Variants in GKAP1 observed in about 807,000 individuals in gnomAD.
The protein encoded by GKAP1 is G kinase anchoring protein 1.
Under a neutral mutation model 56.7 loss-of-function variants are expected in GKAP1, and 31 were observed. That is an observed-to-expected ratio of 0.55 (90% confidence interval 0.41 to 0.74). The LOEUF is 0.74. Among genes scored for constraint, GKAP1 ranks in the 30% least tolerant of loss-of-function variants. The pLI is 0.00. For synonymous variants in GKAP1, 151 were observed against 138.6 expected, an observed-to-expected ratio of 1.09 and a Z score of -0.63; for missense variants, 364 against 402.3, an observed-to-expected ratio of 0.90 and a Z score of 0.82.
At position 83,769,377 on chromosome 9, in the gene GKAP1, C is replaced by T. The variant is rs1298016175; in HGVS notation, c.586-407G>A. ...CCAAAAAGAAACTGTACCCATTAGCCGTCACTCCCCATTTCCTCCTAATAC... is the reference window on the plus strand; with the variant it reads ...CCAAAAAGAAACTGTACCCATTAGCTGTCACTCCCCATTTCCTCCTAATAC... On this transcript the variant is annotated intron_variant, in intron 7 of 12. Transcript: ENST00000376371. 2.6e-5 allele frequency among the ~76,000 whole-genome samples: 4 copies of T among 152,156 alleles called. 1 individual carries two copies. The South Asian group carries it at 8.3e-4, about 32-fold the overall frequency.
At chr9:83,772,418 T>C (rs1434974412) in intron 7 of GKAP1, among the ~76,000 whole-genome samples, 1 of 152,140 alleles carries the variant, frequency 6.6e-6, no homozygotes, top group Non-Finnish European at 1.5e-5. Context: ...ACTCAAAATA[T>C]GGATCACAGA....
chr9:83,811,297 C>G (rs1262536389), intron 2 of GKAP1, among the ~76,000 whole-genome samples: 1 of 152,120 alleles, frequency 6.6e-6, no homozygotes, highest in African/African-American at 2.4e-5. Flanking sequence ...AGTTTTTAGG[C>G]ATTGAGTAGT....
rs1944643044 is a variant in GKAP1, at chr9:83,817,593, G to T, written c.-252C>A. ...CCGCCTCTCCCGCGGCTCCCCGGGC[G>T]GCCGCACTGGGCGTTGGGACTGGTC... On this transcript the variant is annotated 5_prime_UTR_variant, in exon 1 of 13. Transcript: ENST00000376371. The T allele has an allele frequency of 6.6e-6, 1 of 151,706 alleles. No individual in the cohort carries two copies. Among genetic ancestry groups the T allele is most frequent in the Non-Finnish European group, 1.5e-5 (1 of 68,048 alleles). The allele number at this position is 151,706 out of a possible 1,614,324, so 9.4% of individuals were successfully genotyped here.
rs373789926 is a variant in GKAP1, at chr9:83,810,273, T to C, written c.-43-3713A>G. 3.9e-5 allele frequency among the ~76,000 whole-genome samples: 6 copies of C among 152,354 alleles called. No individual in the cohort carries two copies. The South Asian group carries it at 6.2e-4, about 16-fold the overall frequency. ...CTCATACAAATGAAATTTTAATGGG[T>C]ACTCAATTCTAAGAAATCATTATTT... On this transcript the variant is annotated intron_variant, in intron 2 of 12. Transcript: ENST00000376371.
At position 83,748,380 on chromosome 9, in the gene GKAP1, T is replaced by A. The variant is rs2131232931; in HGVS notation, c.841-8A>T. 1.3e-6 allele frequency: 2 copies of A among 1,493,516 alleles called. No individual in the cohort carries two copies. Among genetic ancestry groups the A allele is most frequent in the Admixed American group, 2.0e-5 (1 of 50,326 alleles). 92.5% of individuals were successfully genotyped at this position (1,493,516 alleles called of 1,614,324 possible). A position where few individuals can be genotyped will look rare whatever the true frequency, so the allele number is the denominator to read the frequency against. On this transcript the variant is annotated splice_region_variant and splice_polypyrimidine_tract_variant and intron_variant, in intron 9 of 12. Transcript: ENST00000376371. ...TACTTCCTTATACTTTGCCTAATAG[T>A]CAAAGAAAAAAGATTTAGTTTTTTT...
intron 8 of GKAP1, among the ~76,000 whole-genome samples, chr9:83,758,826 T>C (rs1409364181): frequency 2.0e-5 from 3 of 151,942 alleles, no homozygotes; most frequent in Non-Finnish European, 4.4e-5. Flanking sequence ...TATTAATGTA[T>C]GCACAGTTAA....
At chr9:83,789,750 T>G (rs1331417173) in intron 4 of GKAP1, among the ~76,000 whole-genome samples, 4 of 135,618 alleles carry the variant, frequency 2.9e-5, no homozygotes, top group African/African-American at 7.9e-5. Flanking sequence ...AGGAATTAAA[T>G]TTTGAGAACA....
chr9:83,798,097 T>C (rs976647652), intron 4 of GKAP1, among the ~76,000 whole-genome samples: 2 of 152,118 alleles, frequency 1.3e-5, no homozygotes, highest in African/African-American at 4.8e-5. Context: ...CACTGCAAAA[T>C]CCTAAAGAAA....
intron 1 of GKAP1, 21 bp downstream of exon 1, chr9:83,817,496 G>A (rs1398177768): frequency 6.6e-6 from 1 of 151,364 alleles, no homozygotes; most frequent in African/African-American, 2.4e-5. Context: ...CCGCGAGGCG[G>A]GCCCGCCTCC....
Position 83,798,763 on chromosome 9 carries a change from G to A in GKAP1, c.360+422C>T, listed in dbSNP as rs139107496. ...ACTCCTAGGCTCAAGCCATCCACCC[G>A]CCTCAGACTCCCAAATTGCTGGGAT... On this transcript the variant is annotated intron_variant, in intron 4 of 12. Transcript: ENST00000376371. Among the ~76,000 whole-genome samples the A allele has an allele frequency of 1.6e-4, 25 of 152,076 alleles. No homozygotes were observed. The East Asian group carries it at 2.7e-3, about 16-fold the overall frequency.
At chr9:83,741,607 T>C (rs1361950644) in intron 12 of GKAP1, among the ~76,000 whole-genome samples, 2 of 152,096 alleles carry the variant, frequency 1.3e-5, no homozygotes, top group East Asian at 1.9e-4. Flanking sequence ...AAAATATATA[T>C]TTACAATGGA....
chr9:83,746,051 A>C (rs1182841102), intron 10 of GKAP1, among the ~76,000 whole-genome samples: 1 of 152,058 alleles, frequency 6.6e-6, no homozygotes, highest in Admixed American at 6.6e-5. Context: ...TCGGCCTCCC[A>C]AAGTGCTGGG....
At chr9:83,775,152 C>T (rs1943836430) in intron 7 of GKAP1, among the ~76,000 whole-genome samples, 1 of 152,038 alleles carries the variant, frequency 6.6e-6, no homozygotes, top group African/African-American at 2.4e-5. Context: ...TACAGGTGTG[C>T]ACCACTGAGC....
chr9:83,784,873 T>G (rs750308033), intron 5 of GKAP1, 35 bp from the exon 6 acceptor site: 3 of 1,452,248 alleles, frequency 2.1e-6, no homozygotes, highest in Non-Finnish European at 2.8e-6. Context: ...TAAGTTCAGT[T>G]TACAAACTGT....
At chr9:83,794,118 G>A (rs1354596793) in intron 4 of GKAP1, among the ~76,000 whole-genome samples, 1 of 152,184 alleles carries the variant, frequency 6.6e-6, no homozygotes, top group African/African-American at 2.4e-5. Context: ...AGTTAGCCAT[G>A]ATCACACCAC....
intron 2 of GKAP1, 117 bp downstream of exon 2, chr9:83,816,879 G>C (rs1342126933): frequency 1.3e-5 from 2 of 152,148 alleles, no homozygotes; most frequent in East Asian, 1.9e-4. Flanking sequence ...CTTAATGCTA[G>C]AGATCTGACA....
At chr9:83,768,776 C>T in intron 8 of GKAP1, 42 bp downstream of exon 8, 1 of 1,550,008 alleles carries the variant, frequency 6.5e-7, no homozygotes, top group Admixed American at 1.9e-5. Context: ...AATTACATTT[C>T]AATTTCACTG....
At position 83,776,912 on chromosome 9, in the gene GKAP1, T is replaced by G. The variant is rs986202335; in HGVS notation, c.585+3470A>C. ...GTCCACGCTCATAATCAGCTAAAGG[T>G]AGACATGTGGAGCATTAGTGCTAAA... On this transcript the variant is annotated intron_variant, in intron 7 of 12. Transcript: ENST00000376371. Among the ~76,000 whole-genome samples the G allele has an allele frequency of 5.2e-5, 6 of 115,676 alleles. 1 individual carries two copies. The South Asian group carries it at 1.6e-3, about 32-fold the overall frequency. 75.9% of individuals were successfully genotyped at this position (115,676 alleles called of 152,430 possible).
intron 7 of GKAP1, among the ~76,000 whole-genome samples, chr9:83,774,330 G>A (rs1476124047): frequency 1.3e-5 from 2 of 151,780 alleles, no homozygotes; most frequent in African/African-American, 4.8e-5. Flanking sequence ...GGTCAGGCAC[G>A]GTGGCTCACG....
Sources: allele counts gnomAD v4.1 joint callset (sites outside exome capture counted in the v4.1 genomes callset), GRCh38; gene constraint gnomAD v4.1.1; transcripts MANE v1.5; gene names NCBI Gene and HGNC (gene_info 2026-07-23, HGNC 2026-07-21).